Variants in MNAT1 observed in about 807,000 individuals in gnomAD.
The protein encoded by MNAT1 is MNAT1 component of CDK activating kinase, also known as CDK-activating kinase assembly factor MAT1.
In MNAT1, 43 loss-of-function variants were observed where a neutral mutation model predicts 42.0. The ratio of observed to expected loss-of-function variants is 1.02; its 90% CI spans 0.80 to 1.32. The LOEUF (loss-of-function observed/expected upper bound fraction) is 1.32, where lower values mean the gene tolerates loss of function less well. Ranked by LOEUF, MNAT1 falls within the 40% of genes most tolerant of loss-of-function variation. MNAT1 has a pLI of 0.00. For missense variants in MNAT1, 306 were observed against 350.4 expected (o/e 0.87, Z 1.01); for synonymous variants, 118 against 120.0 (o/e 0.98, Z 0.11).
intron 4 of MNAT1, 60 bp downstream of exon 4, chr14:60,808,488 C>A (rs2032448701): frequency 9.8e-7 from 1 of 1,020,774 alleles, no homozygotes. Context: ...CCACATGATA[C>A]TTTAAAAAGC....
intron 1 of MNAT1, among the ~76,000 whole-genome samples, chr14:60,741,662 T>TTTTA (rs1165897315): frequency 2.1e-5 from 3 of 144,924 alleles, no homozygotes; most frequent in Non-Finnish European, 4.6e-5. Context: ...CCTGGGGTTT[T>TTTTA]TTTTTTTTTT....
At chr14:60,883,721 C>A (rs2034599791) in intron 7 of MNAT1, among the ~76,000 whole-genome samples, 1 of 151,922 alleles carries the variant, frequency 6.6e-6, no homozygotes, top group African/African-American at 2.4e-5. Flanking sequence ...CATGGAATAT[C>A]TTTTGTGTGT....
At chr14:60,963,203 A>G (rs1037541994) in intron 7 of MNAT1, among the ~76,000 whole-genome samples, 1 of 152,014 alleles carries the variant, frequency 6.6e-6, no homozygotes, top group African/African-American at 2.4e-5. Flanking sequence ...GCTGGTCTGG[A>G]ACTCCTGACC....
intron 7 of MNAT1, among the ~76,000 whole-genome samples, chr14:60,939,111 A>C (rs2036076965): frequency 6.6e-6 from 1 of 151,494 alleles, no homozygotes; most frequent in Admixed American, 6.6e-5. Context: ...CATCTATTTG[A>C]TTCTTCTCTC....
intron 6 of MNAT1, among the ~76,000 whole-genome samples, chr14:60,857,209 C>T (rs920727014): frequency 1.3e-5 from 2 of 152,140 alleles, no homozygotes; most frequent in African/African-American, 4.8e-5. Flanking sequence ...GACAGATGTA[C>T]GAGGAGATGA....
At chr14:60,840,384 G>T (rs1281916973) in intron 6 of MNAT1, among the ~76,000 whole-genome samples, 3 of 152,206 alleles carry the variant, frequency 2.0e-5, no homozygotes, top group Non-Finnish European at 4.4e-5. Flanking sequence ...GTATTTCTAA[G>T]GAAAGTGGTA....
chr14:60,753,619 T>C (rs1157704700), intron 1 of MNAT1: 1 of 152,200 alleles, frequency 6.6e-6, no homozygotes, highest in Non-Finnish European at 1.5e-5. Context: ...TCAGACACCA[T>C]CGTTTCTGCT....
intron 5 of MNAT1, among the ~76,000 whole-genome samples, chr14:60,816,446 C>T (rs773822359): frequency 4.6e-5 from 7 of 152,108 alleles, no homozygotes; most frequent in Middle Eastern, 3.4e-3. Flanking sequence ...TGTTGTCAAA[C>T]GCAGTAGGTG....
chr14:60,760,923 C>T (rs928197427), intron 1 of MNAT1, among the ~76,000 whole-genome samples: 25 of 152,176 alleles, frequency 1.6e-4, no homozygotes, highest in African/African-American at 6.0e-4. Context: ...TCTCATTCAA[C>T]AGCAGCTTTA....
chr14:60,957,501 C>A (rs911382904), intron 7 of MNAT1, among the ~76,000 whole-genome samples: 1 of 152,142 alleles, frequency 6.6e-6, no homozygotes. Context: ...ATGAGAACAG[C>A]ATGGGAAAGA....
chr14:60,796,142 T>A (rs2032009998), intron 1 of MNAT1, 75 bp from the exon 2 acceptor site: 6 of 1,366,126 alleles, frequency 4.4e-6, no homozygotes, highest in Non-Finnish European at 4.9e-6. Context: ...CCTTATCCCA[T>A]AGGGGCAAAC....
chr14:60,952,078 T>C (rs560295505), intron 7 of MNAT1, among the ~76,000 whole-genome samples: 2 of 152,316 alleles, frequency 1.3e-5, no homozygotes, highest in African/African-American at 4.8e-5. Context: ...ATTTTGTAGA[T>C]CTAGGTTACA....
chr14:60,798,105 A>AGATTT lies in MNAT1; in HGVS notation c.262_266dup (p.Phe89LeufsTer6). The AGATTT allele has an allele frequency of 6.7e-7, 1 of 1,490,082 alleles. No individual in the cohort carries two copies. Among genetic ancestry groups the AGATTT allele is most frequent in the Non-Finnish European group, 9.3e-7 (1 of 1,073,744 alleles). The allele number at this position is 1,490,082 out of a possible 1,614,324, so 92.3% of individuals were successfully genotyped here. On this transcript the variant is annotated frameshift_variant, in exon 3 of 8. Transcript: ENST00000261245. LOFTEE classifies it high-confidence loss of function. ...CTTAAAGATACAATAAAAGGGAAGA[A>AGATTT]GATTTTCCTAGTCTAAGAGAATACA... is the stretch of plus-strand genomic sequence containing the variant.
intron 6 of MNAT1, among the ~76,000 whole-genome samples, chr14:60,828,945 C>T (rs746744431): frequency 6.6e-6 from 1 of 152,090 alleles, no homozygotes; most frequent in Admixed American, 6.5e-5. Flanking sequence ...CATGCCCTCT[C>T]GGGGTGGGCT....
At chr14:60,748,841 G>A (rs1428965832) in intron 1 of MNAT1, among the ~76,000 whole-genome samples, 6 of 152,026 alleles carry the variant, frequency 3.9e-5, no homozygotes, top group South Asian at 2.1e-4. Context: ...TCACAGTATC[G>A]TAAATGCATA....
intron 6 of MNAT1, among the ~76,000 whole-genome samples, chr14:60,837,389 G>T (rs1459842366): frequency 1.3e-5 from 2 of 152,222 alleles, no homozygotes; most frequent in Non-Finnish European, 2.9e-5. Context: ...GGGTTGCAAA[G>T]ACCGTGGGGA....
chr14:60,781,512 C>G (rs1346615629), intron 1 of MNAT1, among the ~76,000 whole-genome samples: 2 of 152,136 alleles, frequency 1.3e-5, no homozygotes, highest in East Asian at 3.8e-4. Context: ...TGGGGTCTTG[C>G]TGATCTCAAA....
chr14:60,929,052 C>T (rs1466082481), intron 7 of MNAT1, among the ~76,000 whole-genome samples: 2 of 149,026 alleles, frequency 1.3e-5, no homozygotes, highest in Non-Finnish European at 3.0e-5. Flanking sequence ...AAGGCTGAGG[C>T]AGGAGAATCA....
chr14:60,799,298 A>G, intron 3 of MNAT1: 3 of 985,338 alleles, frequency 3.0e-6, no homozygotes, highest in Non-Finnish European at 3.6e-6. Context: ...AAAAGATGGT[A>G]GAATTGGGAG....
Sources: allele counts gnomAD v4.1 joint callset (sites outside exome capture counted in the v4.1 genomes callset), GRCh38; gene constraint gnomAD v4.1.1; transcripts MANE v1.5; gene names NCBI Gene and HGNC (gene_info 2026-07-23, HGNC 2026-07-21).